Variants in BCAR3 observed in about 807,000 individuals in gnomAD.
The protein encoded by BCAR3 is breast cancer anti-estrogen resistance protein 3.
A neutral mutation model predicts 80.1 loss-of-function variants in BCAR3; 37 were observed. The observed-to-expected ratio is 0.46, with a 90% confidence interval of 0.36 to 0.61. The LOEUF (loss-of-function observed/expected upper bound fraction) is 0.61, where lower values mean the gene tolerates loss of function less well. Ranked by LOEUF, BCAR3 falls within the 20% of genes least tolerant of loss-of-function variation. The probability of loss-of-function intolerance (pLI) is 0.00; values close to 1 mark genes in which losing one functional copy is unlikely to be tolerated. For synonymous variants in BCAR3, 389 were observed against 418.9 expected (o/e 0.93, Z 0.87); for missense variants, 978 against 1,068.2 (o/e 0.92, Z 1.18).
At chr1:93,625,595 C>G (rs1441009208) in intron 3 of BCAR3, among the ~76,000 whole-genome samples, 1 of 152,204 alleles carries the variant, frequency 6.6e-6, no homozygotes, top group Non-Finnish European at 1.5e-5. Context: ...ATAGTAAGTT[C>G]TCATCCACAG....
chr1:93,840,232 GA>G (rs769570991), intron 2 of BCAR3, among the ~76,000 whole-genome samples: 8 of 152,188 alleles, frequency 5.3e-5, no homozygotes, highest in Non-Finnish European at 1.5e-5. Flanking sequence ...TTTTCTAGGA[GA>G]AACTGCTGTA....
intron 2 of BCAR3, among the ~76,000 whole-genome samples, chr1:93,797,138 T>G (rs541435061): frequency 6.6e-6 from 1 of 152,356 alleles, no homozygotes; most frequent in East Asian, 1.9e-4. Flanking sequence ...TGGATTAGCA[T>G]GGTCAATAAC....
intron 3 of BCAR3, chr1:93,599,154 T>C (rs942713599): frequency 1.6e-4 from 24 of 152,214 alleles, no homozygotes; most frequent in African/African-American, 5.5e-4. Flanking sequence ...TCCTGGGATT[T>C]TTCTAGATGG....
chr1:93,846,826 G>A (rs769968986), intron 1 of BCAR3: 3 of 472,672 alleles, frequency 6.3e-6, no homozygotes, highest in Non-Finnish European at 8.7e-6. Context: ...GGATGCTGCG[G>A]CGCGGGGCGC....
chr1:93,719,514 T>G (rs1650314962), intron 2 of BCAR3, among the ~76,000 whole-genome samples: 1 of 151,830 alleles, frequency 6.6e-6, no homozygotes, highest in African/African-American at 2.4e-5. Flanking sequence ...CTAATTTTTT[T>G]GTATTTTTTA....
At position 93,592,896 on chromosome 1, in the gene BCAR3, A is replaced by G. The variant is rs927268257; in HGVS notation, c.358-503T>C. On this transcript the variant is annotated intron_variant, in intron 3 of 11. Coordinates refer to ENST00000260502, the MANE Select transcript of BCAR3 (RefSeq NM_003567.4). The surrounding 1 kb of genome is among the most constrained non-coding windows in gnomAD (Gnocchi z 4.8). The stretch of plus-strand genomic sequence containing the variant: ...TTGGTAAACTCATGTTCAGGAATTG[A>G]GTCAGTCTTTAGAAACTTTTAGGGC... Among the ~76,000 whole-genome samples, 2 of 152,220 alleles carry G rather than the reference A, an allele frequency of 1.3e-5. No homozygotes were observed. Among genetic ancestry groups the G allele is most frequent in the Non-Finnish European group, 2.9e-5 (2 of 68,038 alleles).
intron 2 of BCAR3, among the ~76,000 whole-genome samples, chr1:93,797,927 G>C (rs574926171): frequency 6.6e-6 from 1 of 152,200 alleles, no homozygotes; most frequent in Non-Finnish European, 1.5e-5. Context: ...CTGAGCTGGA[G>C]GTAAGTGGAT....
intron 2 of BCAR3, among the ~76,000 whole-genome samples, chr1:93,822,339 G>A (rs1053218339): frequency 1.5e-5 from 2 of 134,718 alleles, no homozygotes; most frequent in African/African-American, 7.1e-5. Flanking sequence ...ATCTCGCATG[G>A]CTAATTTTTT....
chr1:93,607,864 G>A (rs181389871), intron 3 of BCAR3, among the ~76,000 whole-genome samples: 8 of 152,270 alleles, frequency 5.3e-5, no homozygotes, highest in South Asian at 2.1e-4. Context: ...AAAGCACAGC[G>A]TAAGCTGCTT....
At chr1:93,635,855 A>C (rs1675764434) in intron 3 of BCAR3, among the ~76,000 whole-genome samples, 2 of 152,230 alleles carry the variant, frequency 1.3e-5, no homozygotes, top group African/African-American at 4.8e-5. Context: ...TGGCTAATTC[A>C]GAGCAGACTG....
At chr1:93,814,967 T>C (rs1653965753) in intron 2 of BCAR3, among the ~76,000 whole-genome samples, 1 of 152,180 alleles carries the variant, frequency 6.6e-6, no homozygotes, top group South Asian at 2.1e-4. Flanking sequence ...CCCCCACACA[T>C]TCCTTCCTCC....
intron 5 of BCAR3, among the ~76,000 whole-genome samples, chr1:93,587,165 A>G (rs1360761833): frequency 3.3e-5 from 5 of 152,110 alleles, no homozygotes; most frequent in African/African-American, 9.7e-5. Flanking sequence ...AGTTTTTCCT[A>G]TAGAGTTGTT....
chr1:93,784,619 G>A (rs906265953), intron 2 of BCAR3, among the ~76,000 whole-genome samples: 17 of 152,340 alleles, frequency 1.1e-4, no homozygotes, highest in African/African-American at 4.1e-4. Context: ...AGCTTCTCTA[G>A]TGGGCTTGAT....
intron 3 of BCAR3, among the ~76,000 whole-genome samples, chr1:93,639,576 A>G (rs557234544): frequency 1.3e-5 from 2 of 150,736 alleles, no homozygotes; most frequent in African/African-American, 4.9e-5. Flanking sequence ...TCCCAGGTTC[A>G]AGCAATTCTC....
chr1:93,721,738 C>T (rs1356155642), intron 2 of BCAR3, among the ~76,000 whole-genome samples: 1 of 152,310 alleles, frequency 6.6e-6, no homozygotes, highest in Non-Finnish European at 1.5e-5. Flanking sequence ...CTTTCTGAGC[C>T]TTTAAGTTCT....
At position 93,845,499 on chromosome 1, in the gene BCAR3, T is replaced by TCA. The variant is rs1212203497; in HGVS notation, c.-63+67_-63+68insTG. ...ATATATATATATATATATATATATA[T>TCA]ATAAAACTTTGTTTACATTAGAGTA... On this transcript the variant is annotated intron_variant, in intron 2 of 13. Coordinates refer to the BCAR3 transcript ENST00000370244. The TCA allele has an allele frequency of 6.9e-4, 8 of 11,596 alleles. No individual in the cohort carries two copies. In the African/African-American group the frequency reaches 7.5e-3, roughly 11 times the overall value. 0.7% of individuals were successfully genotyped at this position (11,596 alleles called of 1,614,324 possible).
intron 9 of BCAR3, 105 bp downstream of exon 9, chr1:93,571,565 A>G: frequency 7.0e-7 from 1 of 1,429,728 alleles, no homozygotes; most frequent in Non-Finnish European, 9.8e-7. Flanking sequence ...TTTCACTAAG[A>G]TTCAATTTAC....
Position 93,582,881 on chromosome 1 carries a change from C to T in BCAR3, c.1106G>A (p.Gly369Glu). ...PCPNSPVFRT[G>E]SEPALSPAVV... Reference sequence around the variant, plus strand: ...TGCTGGGCTCAGGGCAGGCTCGCTTCCCGTCCTGAACACAGGTGAGTTTGG... The same window carrying T: ...TGCTGGGCTCAGGGCAGGCTCGCTTTCCGTCCTGAACACAGGTGAGTTTGG... Residue 369 changes from glycine to glutamate, a missense_variant, in exon 7 of 12, where the codon GGA becomes GAA. Gly to Glu is a moderately conservative substitution (Grantham distance 98, BLOSUM62 -2). Transcript: ENST00000260502. The T allele has an allele frequency of 6.2e-7, 1 of 1,610,516 alleles. No homozygotes were observed. Among genetic ancestry groups the T allele is most frequent in the Non-Finnish European group, 8.5e-7 (1 of 1,179,970 alleles).
In BCAR3 at chr1:93,592,151, T is replaced by C. The variant is rs887100682; in HGVS notation, c.486+114A>G. 8 of 1,446,746 alleles carry C rather than the reference T, an allele frequency of 5.5e-6. No individual in the cohort carries two copies. The highest frequency in any genetic ancestry group is 7.5e-6 in the Non-Finnish European group (8 of 1,070,796). The allele number at this position is 1,446,746 out of a possible 1,614,324, so 89.6% of individuals were successfully genotyped here. A position where few individuals can be genotyped will look rare whatever the true frequency, so the allele number is the denominator to read the frequency against. On this transcript the variant is annotated intron_variant, in intron 4 of 11. Coordinates refer to ENST00000260502, the MANE Select transcript of BCAR3 (RefSeq NM_003567.4). This position sits in a 1 kb window ranked among gnomAD's most constrained non-coding sequence, Gnocchi z 4.8. ...AAGTCATTTTTAGAGTATTTGTTTT[T>C]GGTTACACAGGTGCTTCCGCCCATG... is the stretch of plus-strand genomic sequence containing the variant.
Sources: allele counts gnomAD v4.1 joint callset (sites outside exome capture counted in the v4.1 genomes callset), GRCh38; gene constraint gnomAD v4.1.1; non-coding constraint Gnocchi (gnomAD v3.1); transcripts MANE v1.5; gene names NCBI Gene and HGNC (gene_info 2026-07-23, HGNC 2026-07-21).